OPCML: variants seen among roughly 807,000 people sequenced by gnomAD.
OPCML encodes opioid-binding protein/cell adhesion molecule.
In OPCML, 13 loss-of-function variants were observed where a neutral mutation model predicts 37.8. The observed-to-expected ratio is 0.34, with a 90% CI of 0.22 to 0.55. OPCML has a LOEUF of 0.55. OPCML is among the 20% of genes least tolerant of loss of function. The pLI, the probability that OPCML is intolerant of heterozygous loss-of-function variation, is 0.91. For synonymous variants in OPCML, 176 were observed against 168.8 expected, an observed-to-expected ratio of 1.04 and a Z score of -0.33; for missense variants, 341 against 435.6, an observed-to-expected ratio of 0.78 and a Z score of 1.93.
At chr11:133,467,093 C>A (rs1422085371) in intron 1 of OPCML, among the ~76,000 whole-genome samples, 4 of 152,228 alleles carry the variant, frequency 2.6e-5, no homozygotes, top group Non-Finnish European at 5.9e-5. Context: ...TAACCCACTG[C>A]TCTCCTGATG....
intron 2 of OPCML, among the ~76,000 whole-genome samples, chr11:132,862,113 GAC>G (rs753041881): frequency 8.5e-5 from 13 of 152,124 alleles, no homozygotes; most frequent in African/African-American, 1.7e-4. Flanking sequence ...AAGCTAGAAT[GAC>G]ACAGTTTTTA....
chr11:132,477,300 T>C (rs2096159860), intron 4 of OPCML, among the ~76,000 whole-genome samples: 1 of 152,190 alleles, frequency 6.6e-6, no homozygotes, highest in Non-Finnish European at 1.5e-5. Context: ...CACCAGGTAG[T>C]TCCAGAAGTA....
intron 1 of OPCML, among the ~76,000 whole-genome samples, chr11:132,990,506 G>A (rs188984007): frequency 3.3e-5 from 5 of 152,284 alleles, no homozygotes; most frequent in Admixed American, 3.3e-4. Flanking sequence ...GGAAAGGTAG[G>A]CATTCTATTT....
intron 2 of OPCML, among the ~76,000 whole-genome samples, chr11:132,665,018 G>A (rs1025612958): frequency 6.6e-6 from 1 of 152,140 alleles, no homozygotes; most frequent in African/African-American, 2.4e-5. Flanking sequence ...AAAATTGGAA[G>A]ACAGTGCCAC....
At chr11:133,120,271 GT>G (rs1470848010) in intron 1 of OPCML, among the ~76,000 whole-genome samples, 7 of 152,154 alleles carry the variant, frequency 4.6e-5, no homozygotes, top group African/African-American at 1.7e-4. Context: ...GAGCAAAGCA[GT>G]TTGCATCTAA....
intron 1 of OPCML, among the ~76,000 whole-genome samples, chr11:133,221,276 G>A (rs991568298): frequency 2.6e-5 from 4 of 152,290 alleles, no homozygotes; most frequent in Admixed American, 6.5e-5. Flanking sequence ...TGACTTGGTC[G>A]AAGCAGGTTG....
chr11:132,841,669 T>C (rs1941292465), intron 2 of OPCML, among the ~76,000 whole-genome samples: 1 of 151,964 alleles, frequency 6.6e-6, no homozygotes, highest in Non-Finnish European at 1.5e-5. Context: ...GAGACCAGCC[T>C]GGCCAACATG....
Position 133,532,293 on chromosome 11 carries a change from G to C in OPCML, c.32C>G (p.Ser11Trp). Residue 11 changes from serine to tryptophan, a missense_variant, in exon 1 of 8, where the codon TCG becomes TGG. Physicochemically the swap from Ser to Trp is radical, Grantham distance 177. Transcript: ENST00000524381. ...GATGAAGAGCAGGGCAGTTGTCGCC[G>C]AGAAGACGACCCAGTAGGCAGGATG... is the stretch of plus-strand genomic sequence containing the variant. MYHPAYWVVF[S>W]ATTALLFIPG... 1 of 1,613,968 alleles carries C rather than the reference G, an allele frequency of 6.2e-7. No individual in the cohort carries two copies. Among genetic ancestry groups the C allele is most frequent in the Admixed American group, 1.7e-5 (1 of 60,018 alleles).
chr11:133,077,693 A>G (rs75236816), intron 1 of OPCML, among the ~76,000 whole-genome samples: 2,671 of 152,358 alleles, frequency 0.018, 63 homozygotes, highest in African/African-American at 0.06. Context: ...CAATGCATAA[A>G]AACACCAAGG....
intron 1 of OPCML, among the ~76,000 whole-genome samples, chr11:133,374,322 G>A (rs1592244272): frequency 6.6e-6 from 1 of 152,302 alleles, no homozygotes; most frequent in Admixed American, 6.5e-5. Context: ...GGCTGCCTGG[G>A]TGTGAAGGAA....
chr11:132,846,900 A>T (rs948990363), intron 2 of OPCML, among the ~76,000 whole-genome samples: 2 of 152,204 alleles, frequency 1.3e-5, no homozygotes, highest in Non-Finnish European at 2.9e-5. Context: ...CTTGAGATCC[A>T]CATGATAAAC....
At position 133,409,650 on chromosome 11, in the gene OPCML, C is replaced by G. The variant is rs192552085; in HGVS notation, c.61+122614G>C. On this transcript the variant is annotated intron_variant, in intron 1 of 7. Coordinates refer to ENST00000524381, the MANE Select transcript of OPCML (RefSeq NM_001012393.5). ...TAGCTGATGAAACTGAGATTTGGAC[C>G]AAAGTCTCATAGATACTAGTAGGTC... Among the ~76,000 whole-genome samples the G allele has an allele frequency of 2.0e-3, 301 of 152,248 alleles. 2 individuals carry two copies. The highest frequency in any genetic ancestry group is 6.5e-3 in the African/African-American group (271 of 41,554).
intron 2 of OPCML, among the ~76,000 whole-genome samples, chr11:132,732,129 G>C (rs1002762653): frequency 3.9e-5 from 6 of 152,170 alleles, no homozygotes; most frequent in Non-Finnish European, 5.9e-5. Flanking sequence ...GTTGGTGGGA[G>C]AATGTTTATA....
chr11:133,168,189 C>A (rs1950239814), intron 1 of OPCML, among the ~76,000 whole-genome samples: 1 of 152,114 alleles, frequency 6.6e-6, no homozygotes, highest in Non-Finnish European at 1.5e-5. Flanking sequence ...AACACTGGAC[C>A]AGTGAAATGC....
intron 1 of OPCML, among the ~76,000 whole-genome samples, chr11:133,291,312 G>C (rs1208674644): frequency 1.3e-5 from 2 of 152,222 alleles, no homozygotes; most frequent in African/African-American, 4.8e-5. Context: ...TGGGGTGTCT[G>C]TCGGTTAAAG....
At chr11:133,231,836 C>T (rs905272858) in intron 1 of OPCML, among the ~76,000 whole-genome samples, 9 of 151,990 alleles carry the variant, frequency 5.9e-5, no homozygotes, top group African/African-American at 2.2e-4. Context: ...CTCTTATTGT[C>T]AAAGGAGAAG....
rs2095952364 is a variant in OPCML, at chr11:132,420,056, AC to A, written c.*136del. On this transcript the variant is annotated 3_prime_UTR_variant, in exon 8 of 8. Coordinates refer to ENST00000524381, the MANE Select transcript of OPCML (RefSeq NM_001012393.5). ...GAAATAAAAGCAAACAAACAAATAA[AC>A]AAAAACAAAAAGAAAACAAATCTAG... The A allele has an allele frequency of 1.4e-6, 1 of 702,880 alleles. No individual in the cohort carries two copies. Among genetic ancestry groups the A allele is most frequent in the African/African-American group, 1.8e-5 (1 of 55,394 alleles). The allele number at this position is 702,880 out of a possible 1,614,324, so 43.5% of individuals were successfully genotyped here. A position where few individuals can be genotyped will look rare whatever the true frequency, so the allele number is the denominator to read the frequency against.
At chr11:133,035,401 G>T (rs1947759600) in intron 1 of OPCML, among the ~76,000 whole-genome samples, 1 of 152,196 alleles carries the variant, frequency 6.6e-6, no homozygotes, top group Admixed American at 6.5e-5. Context: ...ACAGGCACAG[G>T]CAGCACCTCC....
At chr11:132,641,514 C>A (rs368224771) in intron 3 of OPCML, among the ~76,000 whole-genome samples, 11 of 152,182 alleles carry the variant, frequency 7.2e-5, no homozygotes, top group Admixed American at 7.2e-4. Context: ...TATCCTTGGG[C>A]GTCTTTTTAA....
Sources: gnomAD v4.1 joint callset for allele counts (sites outside exome capture counted in the v4.1 genomes callset) on GRCh38, gnomAD v4.1.1 for gene constraint, MANE v1.5 for transcripts, NCBI Gene and HGNC (gene_info 2026-07-23, HGNC 2026-07-21) for gene names.